Variants in CLNK observed in about 807,000 individuals in gnomAD.
CLNK encodes cytokine dependent hematopoietic cell linker.
Under a neutral mutation model 68.6 loss-of-function variants are expected in CLNK, and 74 were observed. That is an observed-to-expected ratio of 1.08 (90% CI 0.89 to 1.31). The LOEUF is 1.31. Ranked by LOEUF, CLNK falls within the 50% of genes most tolerant of loss-of-function variation. The pLI is 0.00. For synonymous variants in CLNK, 198 were observed against 172.2 expected, an observed-to-expected ratio of 1.15 and a Z score of -1.17; for missense variants, 553 against 515.3, an observed-to-expected ratio of 1.07 and a Z score of -0.71.
At chr4:10,597,602 G>T (rs1308675181) in intron 3 of CLNK, among the ~76,000 whole-genome samples, 1 of 152,156 alleles carries the variant, frequency 6.6e-6, no homozygotes, top group Non-Finnish European at 1.5e-5. Flanking sequence ...TTGTCTGCTT[G>T]CTGTGAGGCT....
the CLNK span, among the ~76,000 whole-genome samples, chr4:10,732,584 C>G: frequency 6.6e-6 from 1 of 152,126 alleles, no homozygotes; most frequent in Non-Finnish European, 1.5e-5. Flanking sequence ...TAGCCTTTTA[C>G]ATTCCATCTA....
At chr4:10,594,166 A>G (rs1403616836) in intron 3 of CLNK, among the ~76,000 whole-genome samples, 1 of 152,180 alleles carries the variant, frequency 6.6e-6, no homozygotes, top group African/African-American at 2.4e-5. Context: ...TGTCTCGTTC[A>G]TCTTTGATTT....
At chr4:10,692,661 G>A in the CLNK span, among the ~76,000 whole-genome samples, 275 of 152,326 alleles carry the variant, frequency 1.8e-3, 1 homozygote, top group African/African-American at 6.1e-3. Flanking sequence ...TGCATGCTAC[G>A]TGAGAGTGGG....
At chr4:10,608,252 T>A (rs1721862033) in intron 2 of CLNK, among the ~76,000 whole-genome samples, 1 of 152,210 alleles carries the variant, frequency 6.6e-6, no homozygotes, top group South Asian at 2.1e-4. Flanking sequence ...CAACCTACAG[T>A]CCACGCAAAC....
the CLNK span, among the ~76,000 whole-genome samples, chr4:10,728,385 AGTGTGTGTGTGT>A: frequency 6.8e-6 from 1 of 146,734 alleles, no homozygotes; most frequent in Non-Finnish European, 1.5e-5. Context: ...TATTCTAAAG[AGTGTGTGTGTGT>A]GTGTGTGTGT....
At chr4:10,658,370 C>T (rs758606643) in intron 2 of CLNK, among the ~76,000 whole-genome samples, 1 of 152,188 alleles carries the variant, frequency 6.6e-6, no homozygotes, top group African/African-American at 2.4e-5. Context: ...TATAGCCAGC[C>T]GACAGTATCT....
intron 18 of CLNK, among the ~76,000 whole-genome samples, chr4:10,495,262 T>A (rs939012977): frequency 6.6e-6 from 1 of 152,222 alleles, no homozygotes; most frequent in Non-Finnish European, 1.5e-5. Flanking sequence ...TTCACAGAAA[T>A]GTTGACAAAC....
At chr4:10,540,200 C>T (rs1223047362) in intron 11 of CLNK, among the ~76,000 whole-genome samples, 2 of 152,168 alleles carry the variant, frequency 1.3e-5, no homozygotes, top group East Asian at 1.9e-4. Context: ...GGGCTCTTCG[C>T]CATTTGCTTT....
intron 11 of CLNK, among the ~76,000 whole-genome samples, chr4:10,537,706 CCTTTCTTTCTTT>C (rs752656552): frequency 7.5e-5 from 1 of 13,376 alleles, no homozygotes; most frequent in Non-Finnish European, 1.5e-4. Flanking sequence ...TTCCTTCCTT[CCTTTCTTTCTTT>C]CTTTCTTTCT....
At chr4:10,540,125 C>G (rs536849873) in intron 11 of CLNK, among the ~76,000 whole-genome samples, 1 of 152,296 alleles carries the variant, frequency 6.6e-6, no homozygotes, top group Admixed American at 6.5e-5. Context: ...GGTCATGGAG[C>G]AGTTTCCCCT....
intron 8 of CLNK, among the ~76,000 whole-genome samples, chr4:10,546,057 A>G (rs1368561078): frequency 1.3e-5 from 2 of 152,174 alleles, no homozygotes; most frequent in African/African-American, 2.4e-5. Context: ...GGCAGCCTCA[A>G]GATCTGTGAA....
the CLNK span, among the ~76,000 whole-genome samples, chr4:10,703,055 C>A: frequency 2.0e-5 from 3 of 152,150 alleles, no homozygotes; most frequent in Admixed American, 1.3e-4. Context: ...CAGCATTCAG[C>A]GCAGAGGACA....
At chr4:10,713,364 G>A in the CLNK span, among the ~76,000 whole-genome samples, 2 of 152,172 alleles carry the variant, frequency 1.3e-5, no homozygotes, top group South Asian at 4.1e-4. Context: ...CGAAATGAGT[G>A]CCATGAACAA....
At chr4:10,613,997 T>TC (rs1722132671) in intron 2 of CLNK, among the ~76,000 whole-genome samples, 1 of 152,234 alleles carries the variant, frequency 6.6e-6, no homozygotes, top group Non-Finnish European at 1.5e-5. Context: ...CCACCCTCAG[T>TC]GGCAACCACC....
At chr4:10,580,594 T>G (rs1720741938) in intron 4 of CLNK, among the ~76,000 whole-genome samples, 1 of 152,038 alleles carries the variant, frequency 6.6e-6, no homozygotes, top group Non-Finnish European at 1.5e-5. Flanking sequence ...TAGGCTAATG[T>G]GTGCATTTGT....
chr4:10,598,595 G>A, intron 2 of CLNK: 1 of 365,340 alleles, frequency 2.7e-6, no homozygotes, highest in Admixed American at 3.3e-5. Flanking sequence ...TATTTATTGA[G>A]CTCCCATATC....
chr4:10,659,241 C>T (rs557171443), intron 2 of CLNK, among the ~76,000 whole-genome samples: 4 of 152,304 alleles, frequency 2.6e-5, no homozygotes, highest in African/African-American at 7.2e-5. Context: ...ATGGTAATTG[C>T]TAAAAGTGTG....
Position 10,598,343 on chromosome 4 carries a change from C to A in CLNK, c.12-294G>T, listed in dbSNP as rs1459721929. ...ATGTGGGCTGCCTCTCCCTCATCAA[C>A]AGGGTGACCTTGGTACCGTCCTTAA... On this transcript the variant is annotated intron_variant, in intron 2 of 18. Coordinates refer to ENST00000226951, the MANE Select transcript of CLNK (RefSeq NM_052964.4). Among the ~76,000 whole-genome samples, 10 of 152,244 alleles carry A rather than the reference C, an allele frequency of 6.6e-5. 1 individual carries two copies. The highest frequency in any genetic ancestry group is 1.5e-4 in the Non-Finnish European group (10 of 68,044).
chr4:10,626,486 C>G (rs540990718), intron 2 of CLNK, among the ~76,000 whole-genome samples: 1 of 151,968 alleles, frequency 6.6e-6, no homozygotes, highest in Non-Finnish European at 1.5e-5. Flanking sequence ...TTCCCCTTTC[C>G]TTTCTTTTTT....
Sources: allele counts gnomAD v4.1 joint callset (sites outside exome capture counted in the v4.1 genomes callset), GRCh38; gene constraint gnomAD v4.1.1; transcripts MANE v1.5; gene names NCBI Gene and HGNC (gene_info 2026-07-23, HGNC 2026-07-21).